Variants in TSBP1 observed in about 807,000 individuals in gnomAD.
TSBP1 encodes the protein testis-expressed basic protein 1.
TSBP1 carries 56 observed loss-of-function variants against 68.8 expected under a neutral mutation model. The observed-to-expected ratio is 0.81, with a 90% CI of 0.66 to 1.02. TSBP1 has a LOEUF of 1.02. Ranked by LOEUF, TSBP1 falls within the 50% of genes least tolerant of loss-of-function variation. The probability of loss-of-function intolerance (pLI) is 0.00; values close to 1 mark genes in which losing one functional copy is unlikely to be tolerated. For missense variants in TSBP1, 502 were observed against 641.2 expected, an observed-to-expected ratio of 0.78 and a Z score of 2.34; for synonymous variants, 171 against 208.7, an observed-to-expected ratio of 0.82 and a Z score of 1.56.
chr6:32,318,207 C>T (rs188028765), intron 18 of TSBP1, among the ~76,000 whole-genome samples: 1 of 152,094 alleles, frequency 6.6e-6, no homozygotes, highest in Non-Finnish European at 1.5e-5. Flanking sequence ...AAGAGAGAAC[C>T]AAATACCACA....
intron 18 of TSBP1, among the ~76,000 whole-genome samples, chr6:32,319,985 GTCT>G (rs1237916046): frequency 6.6e-6 from 1 of 151,700 alleles, no homozygotes; most frequent in Non-Finnish European, 1.5e-5. Context: ...CCTTATTTTA[GTCT>G]TCTTCAGATT....
chr6:32,365,451 T>A lies in TSBP1; in HGVS notation c.217+716A>T. ...GGGTCAGTAGTGCAAGGAGCATAGG[T>A]CACGCATCTCAAATGGCAGGCTTTC... On this transcript the variant is annotated intron_variant, in intron 6 of 22. Transcript: ENST00000612031. The surrounding 1 kb of genome is among the most constrained non-coding windows in gnomAD (Gnocchi z 4.3). 2.2e-6 allele frequency: 1 copy of A among 456,910 alleles called. No individual in the cohort carries two copies. Among genetic ancestry groups the A allele is most frequent in the South Asian group, 1.5e-5 (1 of 64,564 alleles). The allele number at this position is 456,910 out of a possible 1,614,324, so 28.3% of individuals were successfully genotyped here.
intron 6 of TSBP1, among the ~76,000 whole-genome samples, chr6:32,360,382 TTG>T (rs9279600): frequency 0.82 from 124,497 of 150,950 alleles, 51,439 homozygotes; most frequent in South Asian, 0.92. Flanking sequence ...TAATATTTCA[TTG>T]TGTGTGTGTG....
At chr6:32,323,470 G>T in intron 17 of TSBP1, 121 bp downstream of exon 18, 1 of 904,510 alleles carries the variant, frequency 1.1e-6, no homozygotes, top group Non-Finnish European at 1.8e-6. Flanking sequence ...GAAACTGGAA[G>T]CTTTGAGTCA....
In TSBP1 at chr6:32,315,896, G is replaced by A; in HGVS notation, c.560-104C>T. The A allele has an allele frequency of 1.5e-6, 1 of 680,050 alleles. No homozygotes were observed. Among genetic ancestry groups the A allele is most frequent in the Non-Finnish European group, 2.4e-6 (1 of 413,590 alleles). The allele number at this position is 680,050 out of a possible 1,614,324, so 42.1% of individuals were successfully genotyped here. On this transcript the variant is annotated intron_variant, in intron 18 of 22. Coordinates refer to ENST00000612031, the Ensembl canonical transcript of TSBP1. This position sits in a 1 kb window ranked among gnomAD's most constrained non-coding sequence, Gnocchi z 5.4. ...GAGTCTGTGAGGGGAGGACTTGTGT[G>A]GGCAAAGAAGGAAGCATTCCAAACC...
rs73397001 is a variant in TSBP1 at position 32,366,159 on chromosome 6, A to G, written c.217+8T>C. ...TTTAATTTTACAAAAATCTCTACAT[A>G]TACTTACCTCGGTTATCATATGAAG... On this transcript the variant is annotated splice_region_variant and intron_variant, in intron 6 of 22. Transcript: ENST00000612031. 3.4e-3 allele frequency: 5,466 copies of G among 1,602,932 alleles called. 46 individuals carry two copies. The highest frequency in any genetic ancestry group is 0.025 in the African/African-American group (1,875 of 74,398).
At position 32,304,444 on chromosome 6, in the gene TSBP1, A is replaced by G. The variant is rs1765591623; in HGVS notation, c.581-1815T>C. Among the ~76,000 whole-genome samples the G allele has an allele frequency of 1.3e-5, 2 of 152,178 alleles. No homozygotes were observed. The highest frequency in any genetic ancestry group is 2.9e-5 in the Non-Finnish European group (2 of 68,028). Reference sequence around the variant, plus strand: ...ACCAGAAAACAGACCTTTGGGAAACATTAAATCTTCTAGGAATATGCTATC... The same window carrying G: ...ACCAGAAAACAGACCTTTGGGAAACGTTAAATCTTCTAGGAATATGCTATC... On this transcript the variant is annotated intron_variant, in intron 19 of 22. Coordinates refer to ENST00000612031, the Ensembl canonical transcript of TSBP1. This position sits in a 1 kb window ranked among gnomAD's most constrained non-coding sequence, Gnocchi z 4.8.
exon 5 of TSBP1, chr6:32,366,293 T>A: frequency 6.2e-7 from 1 of 1,601,862 alleles, no homozygotes. Context: ...TGAATATGCA[T>A]GTCGGGATCC....
Position 32,332,019 on chromosome 6 carries a change from ATAC to A in TSBP1, c.493+12_493+14del. Reference sequence around the variant, plus strand: ...GAAGCCAGTAGAGATAAGTTGATATATACAGGCAGCTTACCAATAGGTCCTGGA... The same window carrying A: ...GAAGCCAGTAGAGATAAGTTGATATAAGGCAGCTTACCAATAGGTCCTGGA... On this transcript the variant is annotated intron_variant, in intron 15 of 22. Transcript: ENST00000612031. The A allele has an allele frequency of 6.3e-7, 1 of 1,585,510 alleles. No individual in the cohort carries two copies.
intron 2 of TSBP1, among the ~76,000 whole-genome samples, 154 bp from the exon 3 acceptor site, chr6:32,368,968 C>G (rs1774080681): frequency 6.6e-6 from 1 of 152,172 alleles, no homozygotes; most frequent in Non-Finnish European, 1.5e-5. Context: ...TTCCACATCT[C>G]CCATCAGCCC....
intron 18 of TSBP1, 119 bp from the exon 20 acceptor site, chr6:32,322,625 T>C: frequency 1.4e-6 from 1 of 713,030 alleles, no homozygotes; most frequent in Non-Finnish European, 2.6e-6. Context: ...GTGAAGGAGG[T>C]ATTCCAAACC....
At chr6:32,370,407 G>GTGTGTGTGTATATATATATA (rs1241237254) in intron 1 of TSBP1, among the ~76,000 whole-genome samples, 8 of 130,706 alleles carry the variant, frequency 6.1e-5, no homozygotes, top group Middle Eastern at 3.8e-3. Context: ...AAGATTTTCT[G>GTGTGTGTGTATATATATATA]TATATATATA....
Position 32,323,139 on chromosome 6 carries a change from T to G in TSBP1, c.539-2A>C, listed in dbSNP as rs1355444876. ...TACTTATGGGTGCCATGGGTGGACCTAAAAACCAAAGTAGATATTGGTGAA... is the reference window on the plus strand; with the variant it reads ...TACTTATGGGTGCCATGGGTGGACCGAAAAACCAAAGTAGATATTGGTGAA... On this transcript the variant is annotated splice_acceptor_variant, in intron 17 of 22. Coordinates refer to ENST00000612031, the Ensembl canonical transcript of TSBP1. LOFTEE classifies it high-confidence loss of function. The G allele has an allele frequency of 6.3e-7, 1 of 1,575,670 alleles. No individual in the cohort carries two copies. The highest frequency in any genetic ancestry group is 1.7e-5 in the Admixed American group (1 of 59,496).
At position 32,355,684 on chromosome 6, in the gene TSBP1, A is replaced by G; in HGVS notation, c.218-15T>C. 1 of 1,583,906 alleles carries G rather than the reference A, an allele frequency of 6.3e-7. No individual in the cohort carries two copies. Among genetic ancestry groups the G allele is most frequent in the Non-Finnish European group, 8.6e-7 (1 of 1,167,992 alleles). On this transcript the variant is annotated splice_polypyrimidine_tract_variant and intron_variant, in intron 6 of 22. Transcript: ENST00000612031. ...TTTGGATCTCTCTGAAAACATAAACAAAAGAAAGAAAAATCAATTTGGATA... is the reference window on the plus strand; with the variant it reads ...TTTGGATCTCTCTGAAAACATAAACGAAAGAAAGAAAAATCAATTTGGATA...
intron 16 of TSBP1, 148 bp downstream of exon 17, chr6:32,330,441 T>C: frequency 3.0e-6 from 2 of 668,984 alleles, no homozygotes; most frequent in Non-Finnish European, 4.9e-6. Context: ...TCTCAGTAGG[T>C]TGAAATCAGG....
Position 32,347,208 on chromosome 6 carries a change from G to T in TSBP1, c.349+2532C>A, listed in dbSNP as rs868347800. Among the ~76,000 whole-genome samples the T allele has an allele frequency of 3.2e-4, 47 of 148,932 alleles. 1 individual carries two copies. The highest frequency in any genetic ancestry group is 1.1e-3 in the African/African-American group (46 of 40,158). On this transcript the variant is annotated intron_variant, in intron 9 of 22. Transcript: ENST00000612031. ...AGACAGGGTCTCACTCTGTCACCCA[G>T]GCTGGAGTGCAGTGGCGTAATCACA...
intron 9 of TSBP1, among the ~76,000 whole-genome samples, chr6:32,348,625 G>A (rs1771338087): frequency 6.6e-6 from 1 of 151,988 alleles, no homozygotes; most frequent in South Asian, 2.1e-4. Flanking sequence ...ATTTAATGAT[G>A]TCCTGGGGGT....
At chr6:32,341,479 AG>A (rs1198376085) in intron 9 of TSBP1, among the ~76,000 whole-genome samples, 1 of 152,184 alleles carries the variant, frequency 6.6e-6, no homozygotes, top group African/African-American at 2.4e-5. Context: ...CCCTACCCAG[AG>A]GCATTCAAAT....
intron 20 of TSBP1, among the ~76,000 whole-genome samples, chr6:32,301,801 T>C (rs28366175): frequency 0.068 from 9,567 of 139,894 alleles, 400 homozygotes; most frequent in Admixed American, 0.089. Flanking sequence ...TATGTGGAGT[T>C]AGGGTATTTA....
Sources: gnomAD v4.1 joint callset for allele counts (sites outside exome capture counted in the v4.1 genomes callset) on GRCh38, gnomAD v4.1.1 for gene constraint, Gnocchi (gnomAD v3.1) non-coding constraint, MANE v1.5 for transcripts, NCBI Gene and HGNC (gene_info 2026-07-23, HGNC 2026-07-21) for gene names.